RMST: variants seen among roughly 807,000 people sequenced by gnomAD.
RMST encodes the protein long intergenic non-protein coding RNA 54.
chr12:97,486,819 A>G (rs1876167951), intron 5 of RMST, among the ~76,000 whole-genome samples: 1 of 152,190 alleles, frequency 6.6e-6, no homozygotes, highest in Non-Finnish European at 1.5e-5. Context: ...AAAATATTGA[A>G]AGGAATTCTG....
chr12:97,547,794 C>T (rs1883045414), intron 11 of RMST, among the ~76,000 whole-genome samples: 1 of 151,998 alleles, frequency 6.6e-6, no homozygotes, highest in South Asian at 2.1e-4. Flanking sequence ...TGGATATTAG[C>T]CCCTTATCAC....
At chr12:97,515,291 C>A (rs1016873006) in intron 10 of RMST, among the ~76,000 whole-genome samples, 1 of 151,998 alleles carries the variant, frequency 6.6e-6, no homozygotes, top group Non-Finnish European at 1.5e-5. Flanking sequence ...CTTTCCTTAT[C>A]ACCTAAAAGG....
At chr12:97,530,129 C>G (rs1305298274) in intron 10 of RMST, among the ~76,000 whole-genome samples, 1 of 152,032 alleles carries the variant, frequency 6.6e-6, no homozygotes, top group Non-Finnish European at 1.5e-5. Flanking sequence ...TGCTGGGTAA[C>G]AGTTGACTCA....
intron 10 of RMST, among the ~76,000 whole-genome samples, chr12:97,520,897 CTGTT>C (rs1880445281): frequency 6.6e-6 from 1 of 152,174 alleles, no homozygotes. Context: ...CAGTGTTCCT[CTGTT>C]TGATAGGAGT....
At chr12:97,545,167 T>G (rs1278448128) in intron 11 of RMST, among the ~76,000 whole-genome samples, 3 of 152,120 alleles carry the variant, frequency 2.0e-5, no homozygotes, top group African/African-American at 7.2e-5. Flanking sequence ...TCCTTTCATA[T>G]ACTGCATTAT....
intron 10 of RMST, among the ~76,000 whole-genome samples, chr12:97,498,498 G>A (rs890025062): frequency 3.9e-5 from 6 of 152,228 alleles, no homozygotes; most frequent in African/African-American, 7.2e-5. Context: ...AGGGGTTGAC[G>A]AGTCTTAGCA....
At chr12:97,548,841 T>G (rs1416017690) in intron 11 of RMST, among the ~76,000 whole-genome samples, 1 of 152,092 alleles carries the variant, frequency 6.6e-6, no homozygotes, top group East Asian at 1.9e-4. Flanking sequence ...AGAAAACATA[T>G]TTTGATCACA....
chr12:97,524,075 C>CAAAAAAA lies in RMST; in HGVS notation n.1341-6558_1341-6552dup, dbSNP rs537840796. 1.9e-3 allele frequency among the ~76,000 whole-genome samples: 109 copies of CAAAAAAA among 56,122 alleles called. 14 individuals are homozygous for CAAAAAAA. The highest frequency in any genetic ancestry group is 7.9e-3 in the African/African-American group (103 of 12,966). 36.8% of individuals were successfully genotyped at this position (56,122 alleles called of 152,430 possible). ...TGGGCAACAGAGTGAGACTCTGTCTCAAAAAAAAAAAAAAAAAAAAAAAAA... is the reference window on the plus strand; with the variant it reads ...TGGGCAACAGAGTGAGACTCTGTCTCAAAAAAAAAAAAAAAAAAAAAAAAAAAAAAAA... On this transcript the variant is annotated intron_variant and non_coding_transcript_variant, in intron 10 of 13. Transcript: ENST00000640149.
At chr12:97,539,379 C>T (rs1882331381) in intron 11 of RMST, among the ~76,000 whole-genome samples, 1 of 151,584 alleles carries the variant, frequency 6.6e-6, no homozygotes, top group South Asian at 2.1e-4. Context: ...GTGTATGTAA[C>T]TGTGTGTGCA....
chr12:97,527,473 G>GC (rs1325942133), intron 10 of RMST, among the ~76,000 whole-genome samples: 1 of 152,148 alleles, frequency 6.6e-6, no homozygotes, highest in Non-Finnish European at 1.5e-5. Context: ...GGACTTTGTG[G>GC]CCACAGGGAG....
chr12:97,498,427 C>T (rs748113757), intron 10 of RMST, among the ~76,000 whole-genome samples: 34 of 152,144 alleles, frequency 2.2e-4, no homozygotes, highest in Non-Finnish European at 4.3e-4. Flanking sequence ...AAGTAATCAT[C>T]CCCATCCCCA....
chr12:97,474,430 G>A (rs1065626), intron 5 of RMST, among the ~76,000 whole-genome samples: 41,971 of 151,708 alleles, frequency 0.28, 7,303 homozygotes, highest in East Asian at 0.61. Context: ...CATTTGCAGG[G>A]GACACCTTTG....
chr12:97,521,364 C>G (rs1034110230), intron 10 of RMST, among the ~76,000 whole-genome samples: 4 of 152,102 alleles, frequency 2.6e-5, no homozygotes, highest in Non-Finnish European at 4.4e-5. Flanking sequence ...GAAAAAGTCT[C>G]TCTCCAAGAG....
At chr12:97,539,930 T>C (rs1301513810) in intron 11 of RMST, among the ~76,000 whole-genome samples, 1 of 151,690 alleles carries the variant, frequency 6.6e-6, no homozygotes, top group Admixed American at 6.6e-5. Flanking sequence ...TGTGTGAATC[T>C]TGTCTTTGAA....
intron 5 of RMST, among the ~76,000 whole-genome samples, chr12:97,474,962 CT>C (rs1210776546): frequency 3.0e-4 from 46 of 152,252 alleles, no homozygotes; most frequent in African/African-American, 1.1e-3. Flanking sequence ...ACATAAATTG[CT>C]CATTGCCTTC....
intron 11 of RMST, among the ~76,000 whole-genome samples, chr12:97,544,909 T>C (rs188047261): frequency 6.6e-6 from 1 of 152,248 alleles, no homozygotes; most frequent in African/African-American, 2.4e-5. Flanking sequence ...ATAAGATGAT[T>C]CATGCAAAAT....
intron 11 of RMST, among the ~76,000 whole-genome samples, chr12:97,559,552 G>C (rs1452336521): frequency 6.6e-6 from 1 of 152,076 alleles, no homozygotes; most frequent in East Asian, 1.9e-4. Flanking sequence ...AAACGCCATG[G>C]TCTATTGTAA....
chr12:97,511,481 T>C (rs934058517), intron 10 of RMST, among the ~76,000 whole-genome samples: 1 of 152,198 alleles, frequency 6.6e-6, no homozygotes, highest in African/African-American at 2.4e-5. Flanking sequence ...AGAGTTTCTC[T>C]TTAGAAATTT....
chr12:97,514,345 G>T (rs967122068), intron 10 of RMST, among the ~76,000 whole-genome samples: 3 of 152,142 alleles, frequency 2.0e-5, no homozygotes, highest in Non-Finnish European at 4.4e-5. Context: ...AATTCTATAG[G>T]AAATGACAAT....
Sources: allele counts gnomAD v4.1 joint callset (sites outside exome capture counted in the v4.1 genomes callset), GRCh38; gene constraint gnomAD v4.1.1; transcripts MANE v1.5; gene names NCBI Gene and HGNC (gene_info 2026-07-23, HGNC 2026-07-21).